The following DSCAML1 variants were observed in gnomAD, a reference collection of about 807,000 sequenced individuals.
DSCAML1 encodes the protein cell adhesion molecule DSCAML1.
DSCAML1 carries 38 observed loss-of-function variants against 200.5 expected under a neutral mutation model. The observed-to-expected ratio is 0.19, with a 90% CI of 0.15 to 0.25. DSCAML1 has a LOEUF of 0.25. DSCAML1 is among the 10% of genes least tolerant of loss of function. The pLI is 1.00. For missense variants in DSCAML1, 2,223 were observed against 2,858.8 expected (o/e 0.78, Z 5.07); for synonymous variants, 1,215 against 1,165.0 (o/e 1.04, Z -0.87).
chr11:117,700,311 C>T (rs2137742901), intron 3 of DSCAML1, among the ~76,000 whole-genome samples: 1 of 152,336 alleles, frequency 6.6e-6, no homozygotes, highest in South Asian at 2.1e-4. Flanking sequence ...TCAGAGAAGT[C>T]TACTACGGGA....
Position 117,480,625 on chromosome 11 carries a change from C to G in DSCAML1, c.2657-54G>C, listed in dbSNP as rs1278047710. On this transcript the variant is annotated intron_variant, in intron 13 of 32. Transcript: ENST00000651296. This position sits in a 1 kb window ranked among gnomAD's most constrained non-coding sequence, Gnocchi z 4.1. ...GTGAGGAGGGCAGCAGGGAGCTTGG[C>G]CTCCTGCTTGGCCCTGAGGATTGGC... The G allele has an allele frequency of 2.5e-5, 38 of 1,544,328 alleles. No homozygotes were observed. Among genetic ancestry groups the G allele is most frequent in the Non-Finnish European group, 3.0e-5 (34 of 1,143,866 alleles).
intron 3 of DSCAML1, among the ~76,000 whole-genome samples, chr11:117,681,375 G>C (rs988077256): frequency 1.3e-5 from 2 of 152,138 alleles, no homozygotes; most frequent in Non-Finnish European, 2.9e-5. Flanking sequence ...TGATTCTTAC[G>C]TGCATTCATA....
In DSCAML1 at chr11:117,428,451, G is replaced by A. The variant is rs201303561; in HGVS notation, c.6039C>T (p.Ala2013=). The change falls in exon 33 of 33, where the codon GCC becomes GCT. Residue 2013 remains alanine, a synonymous_variant. Coordinates refer to ENST00000651296, the MANE Select transcript of DSCAML1 (RefSeq NM_020693.4). Reference sequence around the variant, plus strand: ...CCCCCATTTTGGTGTGTGGGCCCCCGGCTCGTGGAGGCTCGGTGCTGGGGG... The same window carrying A: ...CCCCCATTTTGGTGTGTGGGCCCCCAGCTCGTGGAGGCTCGGTGCTGGGGG... ...PPAPSTEPPR[A]GGPHTKMGGS... is the part of the protein sequence containing the mutation. 1.4e-4 allele frequency: 209 copies of A among 1,531,838 alleles called. No individual in the cohort carries two copies. The highest frequency in any genetic ancestry group is 1.7e-4 in the Non-Finnish European group (193 of 1,140,836). The allele number at this position is 1,531,838 out of a possible 1,614,324, so 94.9% of individuals were successfully genotyped here.
intron 3 of DSCAML1, among the ~76,000 whole-genome samples, chr11:117,726,251 C>CTG (rs374321961): frequency 0.034 from 5,138 of 149,164 alleles, 179 homozygotes; most frequent in African/African-American, 0.086. Context: ...GTGTGTATCT[C>CTG]TGTGTGTGTG....
upstream of DSCAML1, among the ~76,000 whole-genome samples, chr11:117,798,062 G>T (rs983744257): frequency 2.6e-5 from 4 of 152,248 alleles, no homozygotes; most frequent in African/African-American, 9.6e-5. Context: ...AGCCAGGTCT[G>T]CTGTAAAAGG....
At chr11:117,584,017 C>T (rs1292642067) in intron 3 of DSCAML1, among the ~76,000 whole-genome samples, 1 of 152,208 alleles carries the variant, frequency 6.6e-6, no homozygotes, top group Non-Finnish European at 1.5e-5. Context: ...CTCCTCACGG[C>T]CAAAGGCCAA....
intron 3 of DSCAML1, among the ~76,000 whole-genome samples, chr11:117,607,808 A>T (rs2051600881): frequency 1.3e-5 from 2 of 152,222 alleles, no homozygotes; most frequent in Non-Finnish European, 2.9e-5. Context: ...ACGGGGATGG[A>T]TGAGTTTCCC....
chr11:117,812,022 A>G (rs1229834099), intron 1 of DSCAML1, among the ~76,000 whole-genome samples: 1 of 152,134 alleles, frequency 6.6e-6, no homozygotes, highest in African/African-American at 2.4e-5. Flanking sequence ...CCACCTGCCC[A>G]GTTCCCTTAT....
In DSCAML1 at chr11:117,815,606, G is replaced by T. The variant is rs186179680; in HGVS notation, c.-250+1784C>A. On this transcript the variant is annotated intron_variant, in intron 1 of 2. Coordinates refer to the DSCAML1 transcript ENST00000525836. ...AAAGGGAACCAAGTTTAGACATCTA[G>T]AGACAGTAGCAGCCGCGGTGACTGG... 5.7e-3 allele frequency among the ~76,000 whole-genome samples: 870 copies of T among 152,228 alleles called. 8 individuals carry two copies. Among genetic ancestry groups the T allele is most frequent in the African/African-American group, 0.019 (809 of 41,566 alleles).
chr11:117,757,870 A>T (rs986599401), intron 3 of DSCAML1, among the ~76,000 whole-genome samples: 3 of 152,126 alleles, frequency 2.0e-5, no homozygotes, highest in Non-Finnish European at 4.4e-5. Flanking sequence ...AATGCCTGTA[A>T]TCTCAGCTAC....
intron 3 of DSCAML1, among the ~76,000 whole-genome samples, chr11:117,661,205 G>A (rs781061285): frequency 6.6e-6 from 1 of 152,156 alleles, no homozygotes; most frequent in Non-Finnish European, 1.5e-5. Context: ...CAAATTTGGA[G>A]GATGATTCCC....
chr11:117,428,612 C>A lies in DSCAML1; in HGVS notation c.5878G>T (p.Ala1960Ser), dbSNP rs768061825. The A allele has an allele frequency of 1.2e-6, 2 of 1,606,738 alleles. No individual in the cohort carries two copies. Among genetic ancestry groups the A allele is most frequent in the Non-Finnish European group, 1.7e-6 (2 of 1,177,270 alleles). ...GTGGCTGTGGAGGCGGCAGCGGGGG[C>A]CCCTGGGTGGGGAAGGCCCAAGGAC... Reference protein sequence around the residue: ...SKSLGLPHPGAPAAASTATLP... With the variant: ...SKSLGLPHPGSPAAASTATLP... The change falls in exon 33 of 33, where the codon GCC becomes TCC. Residue 1960 changes from alanine (A) to serine (S), a missense_variant. This residue lies in a region of DSCAML1 where 280 missense variants were observed against 213.4 expected (regional missense o/e 1.31). Transcript: ENST00000651296.
At chr11:117,810,133 G>A (rs149616746) in intron 1 of DSCAML1, among the ~76,000 whole-genome samples, 33 of 151,970 alleles carry the variant, frequency 2.2e-4, no homozygotes, top group South Asian at 8.3e-4. Context: ...CAATCTTGGC[G>A]CCACACTTCA....
chr11:117,812,646 A>G (rs2055770851), intron 1 of DSCAML1, among the ~76,000 whole-genome samples: 2 of 151,842 alleles, frequency 1.3e-5, no homozygotes, highest in South Asian at 2.1e-4. Context: ...CTTCACAGAC[A>G]GCCCCCATTA....
At chr11:117,591,558 G>A (rs956625701) in intron 3 of DSCAML1, among the ~76,000 whole-genome samples, 7 of 152,246 alleles carry the variant, frequency 4.6e-5, no homozygotes, top group East Asian at 3.8e-4. Context: ...GTCTGGGGAC[G>A]TGGAGAAGTA....
chr11:117,563,493 C>A (rs563252006), intron 3 of DSCAML1, among the ~76,000 whole-genome samples: 2 of 152,158 alleles, frequency 1.3e-5, no homozygotes, highest in Non-Finnish European at 2.9e-5. Context: ...GAAGGTTCTA[C>A]TTCCACGCTT....
chr11:117,521,076 G>C (rs2049877677), intron 6 of DSCAML1, 54 bp downstream of exon 6: 1 of 1,587,218 alleles, frequency 6.3e-7, no homozygotes. Flanking sequence ...AGAAGGGAGG[G>C]AATGAGCTCG....
chr11:117,521,286 C>T lies in DSCAML1; in HGVS notation c.1057G>A (p.Glu353Lys). 1.9e-6 allele frequency: 3 copies of T among 1,614,178 alleles called. No individual in the cohort carries two copies. The highest frequency in any genetic ancestry group is 2.5e-6 in the Non-Finnish European group (3 of 1,180,026). Residue 353 changes from glutamate to lysine, a missense_variant, in exon 6 of 33, where the codon GAG becomes AAG. Physicochemically the swap from Glu to Lys is moderately conservative, Grantham distance 56. Coordinates refer to ENST00000651296, the MANE Select transcript of DSCAML1 (RefSeq NM_020693.4). ...EFTIRWYRNT[E>K]LVLPDEAISI... ...ATGGCCTCGTCAGGCAGCACCAGCT[C>T]CGTGTTGCGATACCAGCGGATGGTG...
At chr11:117,645,666 C>T (rs911184923) in intron 3 of DSCAML1, among the ~76,000 whole-genome samples, 2 of 147,048 alleles carry the variant, frequency 1.4e-5, no homozygotes, top group South Asian at 2.1e-4. Context: ...AACCAAACAC[C>T]GCATATTCTC....
Sources: gnomAD v4.1 joint callset for allele counts (sites outside exome capture counted in the v4.1 genomes callset) on GRCh38, gnomAD v4.1.1 for gene constraint, gnomAD v4.1.1 regional missense constraint, Gnocchi (gnomAD v3.1) non-coding constraint, MANE v1.5 for transcripts, NCBI Gene and HGNC (gene_info 2026-07-23, HGNC 2026-07-21) for gene names.